TMEM217B: variants seen among roughly 807,000 people sequenced by gnomAD.
TMEM217B encodes the protein putative transmembrane protein 217B.
At chr6:37,255,685 A>G in the TMEM217B span, among the ~76,000 whole-genome samples, 3 of 147,082 alleles carry the variant, frequency 2.0e-5, no homozygotes, top group Non-Finnish European at 4.5e-5. Context: ...CCTGGTCTCA[A>G]AAAAAAAAAA....
the TMEM217B span, chr6:37,212,916 G>C: frequency 6.5e-7 from 1 of 1,548,452 alleles, no homozygotes; most frequent in South Asian, 1.2e-5. Flanking sequence ...AGAACTGGGT[G>C]GTATTAAGGA....
At chr6:37,238,541 T>C in the TMEM217B span, among the ~76,000 whole-genome samples, 1 of 152,142 alleles carries the variant, frequency 6.6e-6, no homozygotes, top group South Asian at 2.1e-4. Flanking sequence ...TGGCACACAG[T>C]TCTAGCAAAT....
At chr6:37,233,320 C>T in the TMEM217B span, among the ~76,000 whole-genome samples, 1 of 152,226 alleles carries the variant, frequency 6.6e-6, no homozygotes, top group South Asian at 2.1e-4. Flanking sequence ...TTTTTCTGAT[C>T]CATCTTAGTC....
At chr6:37,233,979 A>G in the TMEM217B span, among the ~76,000 whole-genome samples, 1 of 152,196 alleles carries the variant, frequency 6.6e-6, no homozygotes, top group African/African-American at 2.4e-5. Flanking sequence ...TTATTATAAA[A>G]TAGTCTTTGT....
At chr6:37,221,867 A>G in the TMEM217B span, among the ~76,000 whole-genome samples, 10 of 152,224 alleles carry the variant, frequency 6.6e-5, no homozygotes, top group Admixed American at 1.3e-4. Context: ...AGTCATGCTA[A>G]TATCTGCTGT....
chr6:37,255,775 T>C, the TMEM217B span, among the ~76,000 whole-genome samples: 1 of 151,974 alleles, frequency 6.6e-6, no homozygotes, highest in Non-Finnish European at 1.5e-5. Context: ...AGCAGGCTGC[T>C]GTAAGCAGGT....
chr6:37,218,087 C>T, the TMEM217B span: 1 of 1,020,078 alleles, frequency 9.8e-7, no homozygotes, highest in Non-Finnish European at 1.2e-6. Flanking sequence ...AATAGAACTA[C>T]CCTGGGAATC....
At chr6:37,251,196 T>C in the TMEM217B span, among the ~76,000 whole-genome samples, 2 of 152,204 alleles carry the variant, frequency 1.3e-5, no homozygotes, top group South Asian at 2.1e-4. Flanking sequence ...TTGTTTTTTA[T>C]TTTTTCATGT....
At chr6:37,246,902 C>A in the TMEM217B span, among the ~76,000 whole-genome samples, 5 of 142,004 alleles carry the variant, frequency 3.5e-5, no homozygotes, top group South Asian at 2.3e-4. Flanking sequence ...GACTCTGTCT[C>A]AAAAAAAAAA....
At chr6:37,237,743 A>G in the TMEM217B span, among the ~76,000 whole-genome samples, 2 of 152,216 alleles carry the variant, frequency 1.3e-5, no homozygotes, top group Admixed American at 1.3e-4. Flanking sequence ...TAGAATCTTA[A>G]CAATGTAATA....
the TMEM217B span, among the ~76,000 whole-genome samples, chr6:37,223,835 T>C: frequency 9.9e-5 from 15 of 151,740 alleles, no homozygotes; most frequent in African/African-American, 2.9e-4. Flanking sequence ...TATTTATTTA[T>C]AGAGATGGAG....
the TMEM217B span, among the ~76,000 whole-genome samples, chr6:37,217,369 AATC>A: frequency 6.6e-6 from 1 of 152,254 alleles, no homozygotes; most frequent in Non-Finnish European, 1.5e-5. Flanking sequence ...GATAGTATGT[AATC>A]ATATACTGTC....
chr6:37,219,128 C>A, the TMEM217B span: 1 of 1,209,064 alleles, frequency 8.3e-7, no homozygotes, highest in Non-Finnish European at 1.2e-6. Context: ...CCCAAATCTA[C>A]TTTGGAGAAA....
chr6:37,228,428 G>A, the TMEM217B span, among the ~76,000 whole-genome samples: 1 of 152,216 alleles, frequency 6.6e-6, no homozygotes, highest in African/African-American at 2.4e-5. Context: ...ATAAGGCCAG[G>A]CGTGATGGCT....
At chr6:37,214,658 G>C in the TMEM217B span, among the ~76,000 whole-genome samples, 1 of 152,156 alleles carries the variant, frequency 6.6e-6, no homozygotes, top group Non-Finnish European at 1.5e-5. Flanking sequence ...CCTGCTCTAG[G>C]TGTCTCACAT....
the TMEM217B span, among the ~76,000 whole-genome samples, chr6:37,228,731 C>T: frequency 6.6e-6 from 1 of 151,658 alleles, no homozygotes; most frequent in Admixed American, 6.6e-5. Flanking sequence ...GGCGCAGTGG[C>T]TCACGCCTAT....
the TMEM217B span, among the ~76,000 whole-genome samples, chr6:37,233,794 C>G: frequency 6.6e-6 from 1 of 152,146 alleles, no homozygotes. Context: ...AACTAACTAA[C>G]TAACTAAGTC....
chr6:37,235,303 T>G, the TMEM217B span, among the ~76,000 whole-genome samples: 3 of 152,200 alleles, frequency 2.0e-5, no homozygotes, highest in Non-Finnish European at 4.4e-5. Context: ...CTTAGACCAT[T>G]TATGCTGCTA....
chr6:37,252,629 ATATATATATTTT>A, the TMEM217B span, among the ~76,000 whole-genome samples: 7 of 72,730 alleles, frequency 9.6e-5, no homozygotes, highest in African/African-American at 4.3e-4. Context: ...ATATATATAT[ATATATATATTTT>A]TTTTTTTTTT....
Sources: gnomAD v4.1 joint callset for allele counts (sites outside exome capture counted in the v4.1 genomes callset) on GRCh38, gnomAD v4.1.1 for gene constraint, MANE v1.5 for transcripts, NCBI Gene and HGNC (gene_info 2026-07-23, HGNC 2026-07-21) for gene names.